ETAA1: variants seen among roughly 807,000 people sequenced by gnomAD.
The protein encoded by ETAA1 is ewing's tumor-associated antigen 1.
In ETAA1, 49 loss-of-function variants were observed where a neutral mutation model predicts 76.8. The ratio of observed to expected loss-of-function variants is 0.64; its 90% CI spans 0.51 to 0.81. ETAA1 has a LOEUF of 0.81. Ranked by LOEUF, ETAA1 falls within the 30% of genes least tolerant of loss-of-function variation. The pLI, the probability that ETAA1 is intolerant of heterozygous loss-of-function variation, is 0.00. For missense variants in ETAA1, 1,099 were observed against 1,074.0 expected (o/e 1.02, Z -0.32); for synonymous variants, 373 against 372.2 (o/e 1.00, Z -0.03).
rs1425889805 is a variant in ETAA1 at position 67,411,041 on chromosome 2, TCTGTAA to T, written c.*1010_*1015del. On this transcript the variant is annotated 3_prime_UTR_variant, in exon 6 of 6. Transcript: ENST00000272342. Reference sequence around the variant, plus strand: ...GAGAATCTTTTTTCTTTTCAGTTTTTCTGTAACTGTAATTTTCCCCTCAATTAATTT... The same window carrying T: ...GAGAATCTTTTTTCTTTTCAGTTTTTCTGTAATTTTCCCCTCAATTAATTT... The T allele has an allele frequency of 2.0e-5, 3 of 152,124 alleles. No individual in the cohort carries two copies. Among genetic ancestry groups the T allele is most frequent in the Non-Finnish European group, 4.4e-5 (3 of 67,992 alleles). The allele number at this position is 152,124 out of a possible 1,614,324, so 9.4% of individuals were successfully genotyped here.
Position 67,405,354 on chromosome 2 carries a change from A to G in ETAA1, c.2653+19A>G. On this transcript the variant is annotated intron_variant, in intron 5 of 5. Transcript: ENST00000272342. ...TCAAAAGGTATGTATGAAATATGAA[A>G]TAGTTTTCTTTGAAAAGCATCTTAA... The G allele has an allele frequency of 2.0e-6, 3 of 1,481,418 alleles. No individual in the cohort carries two copies. The South Asian group carries it at 4.5e-5, about 22-fold the overall frequency. The allele number at this position is 1,481,418 out of a possible 1,614,324, so 91.8% of individuals were successfully genotyped here. A position where few individuals can be genotyped will look rare whatever the true frequency, so the allele number is the denominator to read the frequency against.
intron 5 of ETAA1, among the ~76,000 whole-genome samples, chr2:67,408,188 T>G (rs1359795772): frequency 6.6e-6 from 1 of 152,096 alleles, no homozygotes; most frequent in Non-Finnish European, 1.5e-5. Flanking sequence ...CAGGGAAGTA[T>G]CTCTGAAACA....
chr2:67,406,016 A>G (rs1359759734), intron 5 of ETAA1, among the ~76,000 whole-genome samples: 2 of 151,962 alleles, frequency 1.3e-5, no homozygotes, highest in Admixed American at 1.3e-4. Flanking sequence ...TCTCCTTTCA[A>G]TTCTTATCTC....
chr2:67,409,537 A>T (rs77814619), intron 5 of ETAA1, among the ~76,000 whole-genome samples: 1 of 152,026 alleles, frequency 6.6e-6, no homozygotes, highest in East Asian at 1.9e-4. Flanking sequence ...CTATTTTCCA[A>T]TTAAAGTTTA....
At chr2:67,397,712 G>T (rs1286193185) in intron 1 of ETAA1, 41 bp downstream of exon 1, 3 of 1,523,014 alleles carry the variant, frequency 2.0e-6, no homozygotes, top group Non-Finnish European at 8.8e-7. Context: ...CTTCGGCGCC[G>T]CATCCCCACA....
In ETAA1 at chr2:67,412,069, T is replaced by C. The variant is rs1676390431; in HGVS notation, c.*2031T>C. ...TTGTGTCTTTCATTGAGCAATACTATAATGCCTTTATGTGTTGTTTAGTTG... is the reference window on the plus strand; with the variant it reads ...TTGTGTCTTTCATTGAGCAATACTACAATGCCTTTATGTGTTGTTTAGTTG... On this transcript the variant is annotated 3_prime_UTR_variant, in exon 6 of 6. Transcript: ENST00000272342. 6.6e-6 allele frequency: 1 copy of C among 152,058 alleles called. No individual in the cohort carries two copies. Among genetic ancestry groups the C allele is most frequent in the Non-Finnish European group, 1.5e-5 (1 of 67,984 alleles). The allele number at this position is 152,058 out of a possible 1,614,324, so 9.4% of individuals were successfully genotyped here. A position where few individuals can be genotyped will look rare whatever the true frequency, so the allele number is the denominator to read the frequency against.
chr2:67,409,565 C>G (rs1213978103), intron 5 of ETAA1, among the ~76,000 whole-genome samples: 2 of 151,636 alleles, frequency 1.3e-5, no homozygotes, highest in African/African-American at 4.8e-5. Context: ...TTTTAAATCC[C>G]AATGTATCCT....
chr2:67,404,397 A>C lies in ETAA1; in HGVS notation c.1715A>C (p.Lys572Thr). The C allele has an allele frequency of 6.2e-7, 1 of 1,613,340 alleles. No homozygotes were observed. Among genetic ancestry groups the C allele is most frequent in the Non-Finnish European group, 8.5e-7 (1 of 1,179,480 alleles). The change falls in exon 5 of 6, where the codon AAA becomes ACA. Residue 572 changes from lysine to threonine, a missense_variant. Physicochemically the swap from Lys to Thr is moderately conservative, Grantham distance 78. Transcript: ENST00000272342. ...AACCCAAATCAGACTAGTGCATCAA[A>C]AGTAGGTTCTTTCTTTGATGATTGG... is the stretch of plus-strand genomic sequence containing the variant. ...VSNPNQTSAS[K>T]VGSFFDDWND...
intron 5 of ETAA1, among the ~76,000 whole-genome samples, chr2:67,407,581 T>C (rs1204892358): frequency 6.6e-6 from 1 of 152,068 alleles, no homozygotes; most frequent in East Asian, 1.9e-4. Context: ...CAGTCGAAAG[T>C]CTGTGTATAA....
chr2:67,404,462 C>G lies in ETAA1; in HGVS notation c.1780C>G (p.His594Asp). 6.2e-7 allele frequency: 1 copy of G among 1,613,240 alleles called. No homozygotes were observed. Among genetic ancestry groups the G allele is most frequent in the Middle Eastern group, 1.7e-4 (1 of 6,056 alleles). Reference sequence around the variant, plus strand: ...TGCCAATGAAATTATTAAAGCATGTCATCAATTAGATAATACCTGGGAAGC... The same window carrying G: ...TGCCAATGAAATTATTAAAGCATGTGATCAATTAGATAATACCTGGGAAGC... The part of the protein sequence containing the change: ...SFANEIIKAC[H>D]QLDNTWEADD... The change falls in exon 5 of 6, where the codon CAT becomes GAT. Residue 594 changes from histidine to aspartate, a missense_variant. Coordinates refer to ENST00000272342, the MANE Select transcript of ETAA1 (RefSeq NM_019002.4).
chr2:67,403,176 A>T, intron 4 of ETAA1, 49 bp from the exon 5 acceptor site: 1 of 1,280,446 alleles, frequency 7.8e-7, no homozygotes, highest in Non-Finnish European at 1.1e-6. Flanking sequence ...TAACAGTTGG[A>T]TATAATGTTT....
Position 67,410,062 on chromosome 2 carries a change from A to T in ETAA1, c.*24A>T. 2.5e-6 allele frequency: 4 copies of T among 1,592,988 alleles called. No individual in the cohort carries two copies. Among genetic ancestry groups the T allele is most frequent in the Non-Finnish European group, 3.4e-6 (4 of 1,173,574 alleles). ...AATGAAATATTAGTTGGAAGACTTC[A>T]CGAAGACTGCTGATAACTATCTGTG... On this transcript the variant is annotated 3_prime_UTR_variant, in exon 6 of 6. Transcript: ENST00000272342.
At position 67,404,555 on chromosome 2, in the gene ETAA1, G is replaced by A. The variant is rs757997139; in HGVS notation, c.1873G>A (p.Asp625Asn). The part of the protein sequence containing the change: ...DDIERLTQQQ[D>N]IRKDSKTSES... ...TATTGAAAGACTAACTCAGCAACAA[G>A]ACATTAGAAAGGACAGTAAGACATC... is the stretch of plus-strand genomic sequence containing the variant. The change falls in exon 5 of 6, where the codon GAC (aspartate) becomes AAC (asparagine). Residue 625 changes from aspartate to asparagine, a missense_variant. Transcript: ENST00000272342. The A allele has an allele frequency of 6.2e-7, 1 of 1,613,330 alleles. No homozygotes were observed. The highest frequency in any genetic ancestry group is 1.3e-5 in the African/African-American group (1 of 74,990).
chr2:67,408,047 G>A (rs958145985), intron 5 of ETAA1, among the ~76,000 whole-genome samples: 2 of 152,050 alleles, frequency 1.3e-5, no homozygotes, highest in African/African-American at 2.4e-5. Context: ...GATAATCTGC[G>A]TTTTAGCTTA....
In ETAA1 at chr2:67,397,565, G is replaced by C; in HGVS notation, c.117G>C (p.Ser39=). ...AGCCAGGGAGGAGGCGGCTGAGATC[G>C]GCCCGCGGTTCGTGGCCCTGCGGGG... ...VVEPGRRRLR[S]ARGSWPCGAR... The change falls in exon 1 of 6, where the codon TCG becomes TCC. Residue 39 remains serine (S), a synonymous_variant. Transcript: ENST00000272342. 1.3e-6 allele frequency: 2 copies of C among 1,568,308 alleles called. No individual in the cohort carries two copies. The highest frequency in any genetic ancestry group is 1.7e-6 in the Non-Finnish European group (2 of 1,157,022).
chr2:67,399,377 T>C (rs1675990580), intron 2 of ETAA1, 80 bp downstream of exon 2: 3 of 1,337,936 alleles, frequency 2.2e-6, no homozygotes, highest in Non-Finnish European at 3.1e-6. Flanking sequence ...AGTCAGATAA[T>C]AGCATCGGGA....
At chr2:67,403,031 A>G (rs1676098881) in intron 4 of ETAA1, 57 bp downstream of exon 4, 1 of 1,447,770 alleles carries the variant, frequency 6.9e-7, no homozygotes. Context: ...TTTTTTGATA[A>G]TACTCCATTT....
Position 67,397,358 on chromosome 2 carries a change from G to C in ETAA1, c.-91G>C, listed in dbSNP as rs1289208838. ...ACCGACCAAAATGGCGGCTGCCGTT[G>C]GTGCGGGGTGCGGTTTGTAGTGCTG... is the stretch of plus-strand genomic sequence containing the variant. On this transcript the variant is annotated 5_prime_UTR_variant, in exon 1 of 6. Transcript: ENST00000272342. 3.0e-6 allele frequency: 4 copies of C among 1,341,796 alleles called. No homozygotes were observed. Among genetic ancestry groups the C allele is most frequent in the East Asian group, 2.5e-5 (1 of 39,932 alleles). 83.1% of individuals were successfully genotyped at this position (1,341,796 alleles called of 1,614,324 possible).
chr2:67,397,774 A>G (rs1026656783), intron 1 of ETAA1, 103 bp downstream of exon 1: 2 of 1,190,036 alleles, frequency 1.7e-6, no homozygotes, highest in Admixed American at 4.2e-5. Context: ...TGGAGCGTGT[A>G]TTCTGTCTCT....
Sources: allele counts gnomAD v4.1 joint callset (sites outside exome capture counted in the v4.1 genomes callset), GRCh38; gene constraint gnomAD v4.1.1; transcripts MANE v1.5; gene names NCBI Gene and HGNC (gene_info 2026-07-23, HGNC 2026-07-21).